The following PLD3 variants were observed in gnomAD, a reference collection of about 807,000 sequenced individuals.
PLD3 encodes phospholipase D family member 3.
A neutral mutation model predicts 58.4 loss-of-function variants in PLD3; 31 were observed. The ratio of observed to expected loss-of-function variants is 0.53; its 90% CI spans 0.40 to 0.72. The LOEUF (loss-of-function observed/expected upper bound fraction) is 0.72, where lower values mean the gene tolerates loss of function less well. Ranked by LOEUF, PLD3 falls within the 30% of genes least tolerant of loss-of-function variation. The probability of loss-of-function intolerance (pLI) is 0.00; values close to 1 mark genes in which losing one functional copy is unlikely to be tolerated. For missense variants in PLD3, 595 were observed against 659.8 expected (o/e 0.90, Z 1.08); for synonymous variants, 264 against 273.4 (o/e 0.97, Z 0.34).
intron 1 of PLD3, among the ~76,000 whole-genome samples, chr19:40,349,882 G>A (rs1203889030): frequency 6.9e-6 from 1 of 145,616 alleles, no homozygotes; most frequent in Non-Finnish European, 1.5e-5. Context: ...GGCTTGAACC[G>A]GGGAGGTGGA....
At chr19:40,376,869 C>T (rs1401581453) in intron 11 of PLD3, 95 bp downstream of exon 11, 4 of 1,174,002 alleles carry the variant, frequency 3.4e-6, no homozygotes, top group Non-Finnish European at 4.7e-6. Context: ...CAAGGGCAGC[C>T]CAGAGTGAGC....
intron 9 of PLD3, 95 bp from the exon 10 acceptor site, chr19:40,374,386 A>T (rs2079140199): frequency 7.4e-7 from 1 of 1,350,740 alleles, no homozygotes. Context: ...GGTGAGATCC[A>T]CAGTACCTGG....
At chr19:40,361,675 AC>A (rs2078788274) in intron 1 of PLD3, among the ~76,000 whole-genome samples, 1 of 151,696 alleles carries the variant, frequency 6.6e-6, no homozygotes, top group South Asian at 2.1e-4. Context: ...TGTCCATCTC[AC>A]CCCACCTTGA....
Position 40,378,205 on chromosome 19 carries a change from T to TG in PLD3, c.*35dup. 6.3e-7 allele frequency: 1 copy of TG among 1,588,456 alleles called. No homozygotes were observed. Among genetic ancestry groups the TG allele is most frequent in the Non-Finnish European group, 8.6e-7 (1 of 1,165,582 alleles). On this transcript the variant is annotated 3_prime_UTR_variant, in exon 13 of 13. Coordinates refer to ENST00000409735, the MANE Select transcript of PLD3 (RefSeq NM_012268.4). ...ATCCAGTGGGCAGGCCAAGGCCTGCTGGGCCCCCGCGGACCCAGGTGCTCT... is the reference window on the plus strand; with the variant it reads ...ATCCAGTGGGCAGGCCAAGGCCTGCTGGGGCCCCCGCGGACCCAGGTGCTCT...
At position 40,366,528 on chromosome 19, in the gene PLD3, C is replaced by T; in HGVS notation, c.27+18C>T. 1 of 1,611,288 alleles carries T rather than the reference C, an allele frequency of 6.2e-7. No individual in the cohort carries two copies. Among genetic ancestry groups the T allele is most frequent in the South Asian group, 1.1e-5 (1 of 90,768 alleles). The stretch of plus-strand genomic sequence containing the variant: ...ACCAGGAGGTAGGTGGATTGGGGGG[C>T]TCAGCAGGGTGGAACTGGGTACAGT... On this transcript the variant is annotated intron_variant, in intron 3 of 12. Coordinates refer to ENST00000409735, the MANE Select transcript of PLD3 (RefSeq NM_012268.4).
At chr19:40,363,979 G>C (rs969179412) in intron 1 of PLD3, among the ~76,000 whole-genome samples, 3 of 152,094 alleles carry the variant, frequency 2.0e-5, no homozygotes, top group Non-Finnish European at 4.4e-5. Context: ...GGTGACGCCT[G>C]TGTTTGCTTT....
At chr19:40,370,338 C>T in intron 8 of PLD3, 101 bp downstream of exon 8, 3 of 1,340,142 alleles carry the variant, frequency 2.2e-6, no homozygotes, top group Non-Finnish European at 3.1e-6. Flanking sequence ...GTCCTCTCCA[C>T]CCATTCTCTG....
intron 10 of PLD3, 46 bp from the exon 11 acceptor site, chr19:40,376,563 A>G: frequency 6.3e-7 from 1 of 1,576,876 alleles, no homozygotes; most frequent in Non-Finnish European, 8.6e-7. Flanking sequence ...CTGTGGACAC[A>G]GCCGCCCTCT....
chr19:40,350,937 G>C (rs1463474981), intron 1 of PLD3, among the ~76,000 whole-genome samples: 1 of 151,960 alleles, frequency 6.6e-6, no homozygotes, highest in Non-Finnish European at 1.5e-5. Context: ...ACAAATACTT[G>C]AAGGAGAAGA....
intron 1 of PLD3, among the ~76,000 whole-genome samples, chr19:40,350,656 A>T (rs1469791476): frequency 6.6e-6 from 1 of 151,030 alleles, no homozygotes; most frequent in Non-Finnish European, 1.5e-5. Flanking sequence ...AGGTGAGAGG[A>T]TTGCTTGAAC....
At chr19:40,353,857 C>G (rs193274241) in intron 1 of PLD3, among the ~76,000 whole-genome samples, 1 of 151,576 alleles carries the variant, frequency 6.6e-6, no homozygotes, top group Non-Finnish European at 1.5e-5. Flanking sequence ...GGATTACAGG[C>G]GTGAGCCACC....
chr19:40,367,101 G>A (rs910089127), intron 5 of PLD3, 186 bp downstream of exon 5: 4 of 603,448 alleles, frequency 6.6e-6, no homozygotes, highest in South Asian at 2.1e-5. Context: ...CAGCCACAGC[G>A]TCATCTTCTG....
intron 9 of PLD3, among the ~76,000 whole-genome samples, chr19:40,373,798 C>G (rs1032132683): frequency 3.3e-5 from 5 of 151,924 alleles, no homozygotes; most frequent in African/African-American, 1.2e-4. Context: ...ACCTGCCTGG[C>G]CAACATGGTG....
rs888103351 is a variant in PLD3 at position 40,377,772 on chromosome 19, C to A, written c.1186-14C>A. ...TGCCTCTCACACTCCTTCCCATCCTCCCCTCCCACTCAGAAACTCTTTGTG... is the reference window on the plus strand; with the variant it reads ...TGCCTCTCACACTCCTTCCCATCCTACCCTCCCACTCAGAAACTCTTTGTG... On this transcript the variant is annotated splice_polypyrimidine_tract_variant and intron_variant, in intron 11 of 12. Coordinates refer to ENST00000409735, the MANE Select transcript of PLD3 (RefSeq NM_012268.4). 2.1e-5 allele frequency: 33 copies of A among 1,603,628 alleles called. No homozygotes were observed. Among genetic ancestry groups the A allele is most frequent in the Admixed American group, 3.3e-5 (2 of 59,908 alleles).
chr19:40,366,379 C>T (rs1050888893), intron 2 of PLD3, 40 bp from the exon 3 acceptor site: 10 of 937,432 alleles, frequency 1.1e-5, no homozygotes, highest in Middle Eastern at 2.5e-4. Flanking sequence ...CCCTGGAAAG[C>T]GTAGAACACC....
rs373405543 is a variant in PLD3, at chr19:40,370,206, G to C, written c.647G>C (p.Ser216Thr). Residue 216 changes from serine to threonine, a missense_variant, in exon 8 of 13, where the codon AGT (serine) becomes ACT (threonine). By Grantham distance (58) the Ser-to-Thr change is moderately conservative (BLOSUM62 1). Coordinates refer to ENST00000409735, the MANE Select transcript of PLD3 (RefSeq NM_012268.4). ...VVDQTHFYLG[S>T]ANMDWRSLTQ... ...GACCAGACCCACTTCTACCTGGGCA[G>C]TGCCAACATGGACTGGCGTTCACTG... 30 of 1,614,054 alleles carry C rather than the reference G, an allele frequency of 1.9e-5. No homozygotes were observed. In the African/African-American group the frequency reaches 3.9e-4, roughly 21 times the overall value.
chr19:40,354,323 C>T lies in PLD3; in HGVS notation c.-279+5555C>T, dbSNP rs573542325. Among the ~76,000 whole-genome samples the T allele has an allele frequency of 1.9e-4, 28 of 150,518 alleles. No homozygotes were observed. The South Asian group carries it at 4.7e-3, about 25-fold the overall frequency. The stretch of plus-strand genomic sequence containing the variant: ...TCCTGACCTCGTGATCTGACTGCCT[C>T]GGCCTCCCAAAGTGCTGGGGTTACA... On this transcript the variant is annotated intron_variant, in intron 1 of 12. Coordinates refer to ENST00000409735, the MANE Select transcript of PLD3 (RefSeq NM_012268.4).
chr19:40,363,546 T>C (rs892585761), intron 1 of PLD3, among the ~76,000 whole-genome samples: 4 of 152,190 alleles, frequency 2.6e-5, no homozygotes, highest in Non-Finnish European at 5.9e-5. Context: ...TTCTCCTGCC[T>C]CAGTCTCCCG....
chr19:40,359,779 A>G (rs1480597639), intron 1 of PLD3: 1 of 152,182 alleles, frequency 6.6e-6, no homozygotes. Flanking sequence ...AGCTGTTAGG[A>G]GACTTGACAG....
Sources: gnomAD v4.1 joint callset for allele counts (sites outside exome capture counted in the v4.1 genomes callset) on GRCh38, gnomAD v4.1.1 for gene constraint, MANE v1.5 for transcripts, NCBI Gene and HGNC (gene_info 2026-07-23, HGNC 2026-07-21) for gene names.